Variants in VIRMA observed in about 807,000 individuals in gnomAD.
The protein encoded by VIRMA is vir like m6A methyltransferase associated.
Under a neutral mutation model 182.4 loss-of-function variants are expected in VIRMA, and 65 were observed. The observed-to-expected ratio is 0.36, with a 90% confidence interval of 0.29 to 0.44. The LOEUF is 0.44. Among genes scored for constraint, VIRMA ranks in the 20% least tolerant of loss-of-function variants. VIRMA has a pLI of 1.00. For missense variants in VIRMA, 1,752 were observed against 2,158.1 expected (o/e 0.81, Z 3.73); for synonymous variants, 709 against 743.1 (o/e 0.95, Z 0.75).
At chr8:94,537,404 C>G (rs1194447327) in intron 3 of VIRMA, among the ~76,000 whole-genome samples, 1 of 151,978 alleles carries the variant, frequency 6.6e-6, no homozygotes, top group Non-Finnish European at 1.5e-5. Flanking sequence ...CCAGGTAATT[C>G]TAATGTACAG....
chr8:94,488,915 A>G, intron 23 of VIRMA, 55 bp from the exon 24 acceptor site: 3 of 1,570,862 alleles, frequency 1.9e-6, no homozygotes, highest in Non-Finnish European at 2.6e-6. Flanking sequence ...TTCCAAGATT[A>G]TAAATACTAA....
At chr8:94,522,391 C>T (rs1413377362) in intron 8 of VIRMA, among the ~76,000 whole-genome samples, 3 of 152,098 alleles carry the variant, frequency 2.0e-5, no homozygotes, top group African/African-American at 7.2e-5. Context: ...TACCTTTTTC[C>T]TTTGCTGAGT....
chr8:94,489,351 T>C (rs1813542231), intron 23 of VIRMA, among the ~76,000 whole-genome samples: 2 of 152,278 alleles, frequency 1.3e-5, no homozygotes, highest in South Asian at 2.1e-4. Context: ...AACTAAAAAT[T>C]TGATTATTTT....
intron 23 of VIRMA, 48 bp from the exon 24 acceptor site, chr8:94,488,908 C>G: frequency 5.1e-6 from 8 of 1,583,124 alleles, no homozygotes; most frequent in Non-Finnish European, 6.0e-6. Context: ...CTTTCTTTTC[C>G]AAGATTATAA....
intron 16 of VIRMA, among the ~76,000 whole-genome samples, chr8:94,499,857 CAACATAGGGT>C (rs148676250): frequency 0.04 from 6,036 of 151,212 alleles, 131 homozygotes; most frequent in Middle Eastern, 0.052. Context: ...GCAGCCTGGC[CAACATAGGGT>C]AACCCGGTCT....
At chr8:94,520,323 C>T (rs1379432667) in intron 8 of VIRMA, among the ~76,000 whole-genome samples, 1 of 151,968 alleles carries the variant, frequency 6.6e-6, no homozygotes, top group Non-Finnish European at 1.5e-5. Flanking sequence ...TAGTGAGACC[C>T]TGTCTCTAAA....
intron 8 of VIRMA, among the ~76,000 whole-genome samples, chr8:94,524,034 T>C (rs1389748952): frequency 6.6e-6 from 1 of 151,700 alleles, no homozygotes; most frequent in East Asian, 1.9e-4. Flanking sequence ...AGTTTCGCTC[T>C]TGTTGCTTAG....
chr8:94,531,133 C>T, intron 5 of VIRMA, 48 bp from the exon 6 acceptor site: 19 of 1,491,910 alleles, frequency 1.3e-5, no homozygotes, highest in Middle Eastern at 4.7e-4. Context: ...TTACAGATGA[C>T]CCCCGAACAA....
In VIRMA at chr8:94,495,867, G is replaced by C. The variant is rs1381314912; in HGVS notation, c.4408C>G (p.Leu1470Val). ...ACTACACTGTCCAACAAAGAATCCA[G>C]ATTGTCATCATCTTTTGAATGTTCC... ...VLEHSKDDDN[L>V]DSLLDSVVGL... The change falls in exon 19 of 24, where the codon CTG (leucine) becomes GTG (valine). Residue 1470 changes from leucine (L) to valine (V), a missense_variant. Physicochemically the swap from Leu to Val is conservative, Grantham distance 32. Around this residue, in one of 11 missense-constraint regions of VIRMA, gnomAD observed 777 missense variants for 920.6 expected, o/e 0.84. Transcript: ENST00000297591. 5 of 1,612,838 alleles carry C rather than the reference G, an allele frequency of 3.1e-6. No individual in the cohort carries two copies. The highest frequency in any genetic ancestry group is 1.3e-5 in the African/African-American group (1 of 74,866).
intron 13 of VIRMA, chr8:94,510,961 T>A (rs1055798): frequency 0.044 from 59,716 of 1,342,704 alleles, 1,496 homozygotes; most frequent in Non-Finnish European, 0.049. Context: ...CAAACATACA[T>A]AACAGCAAAA....
At position 94,496,448 on chromosome 8, in the gene VIRMA, T is replaced by C; in HGVS notation, c.4263A>G (p.Glu1421=). ...TCCGTGATGTATGAGCTCCCTCTAC[T>C]TCCATGAGACCATTATCATCTCCAC... ...GCCGDDNGLM[E]VEGAHTSRTM... Residue 1421 remains glutamate, a synonymous_variant, in exon 18 of 24, where the codon GAA becomes GAG. Transcript: ENST00000297591. The C allele has an allele frequency of 1.9e-6, 3 of 1,613,184 alleles. No individual in the cohort carries two copies. In the South Asian group the frequency reaches 3.3e-5, roughly 18 times the overall value.
chr8:94,535,416 A>G (rs1463807988), intron 4 of VIRMA, among the ~76,000 whole-genome samples: 4 of 152,180 alleles, frequency 2.6e-5, no homozygotes, highest in African/African-American at 9.7e-5. Context: ...AGTCCATAAA[A>G]CTACATAGCA....
At chr8:94,522,367 A>T (rs963246609) in intron 8 of VIRMA, among the ~76,000 whole-genome samples, 1 of 152,058 alleles carries the variant, frequency 6.6e-6, no homozygotes, top group African/African-American at 2.4e-5. Context: ...TGGTTTTCCC[A>T]ACTTCCTCCC....
At chr8:94,534,754 G>A in intron 5 of VIRMA, 85 bp downstream of exon 5, 6 of 1,476,654 alleles carry the variant, frequency 4.1e-6, no homozygotes, top group Non-Finnish European at 5.6e-6. Context: ...AAAAACAAAA[G>A]GTAAAAGAGT....
intron 5 of VIRMA, among the ~76,000 whole-genome samples, chr8:94,532,604 A>G: frequency 6.6e-6 from 1 of 152,228 alleles, no homozygotes; most frequent in Admixed American, 6.5e-5. Context: ...GGGGGAGGCT[A>G]AAGAGTGCAC....
At chr8:94,553,285 A>G (rs1816071822) in intron 1 of VIRMA, 100 bp downstream of exon 1, 3 of 1,194,478 alleles carry the variant, frequency 2.5e-6, no homozygotes, top group Non-Finnish European at 2.5e-6. Flanking sequence ...GAGAAATTAA[A>G]GAAGCAATCT....
At chr8:94,535,767 G>T (rs1460103005) in intron 4 of VIRMA, among the ~76,000 whole-genome samples, 3 of 150,612 alleles carry the variant, frequency 2.0e-5, no homozygotes, top group Non-Finnish European at 4.4e-5. Context: ...GGGCGACAGA[G>T]CGAGACTTGG....
At chr8:94,528,946 A>T (rs925967169) in intron 7 of VIRMA, 124 bp downstream of exon 7, 13 of 1,219,344 alleles carry the variant, frequency 1.1e-5, no homozygotes, top group African/African-American at 3.0e-5. Flanking sequence ...AGGCCTAGCT[A>T]CATTCTGACC....
chr8:94,499,185 A>C, intron 17 of VIRMA, 189 bp downstream of exon 17: 1 of 392,580 alleles, frequency 2.5e-6, no homozygotes, highest in Non-Finnish European at 4.5e-6. Context: ...TCTTTTTTTC[A>C]AGACAGGGTC....
Sources: allele counts gnomAD v4.1 joint callset (sites outside exome capture counted in the v4.1 genomes callset), GRCh38; gene constraint gnomAD v4.1.1; regional missense constraint gnomAD v4.1.1; transcripts MANE v1.5; gene names NCBI Gene and HGNC (gene_info 2026-07-23, HGNC 2026-07-21).